Variants in KIF26B observed in about 807,000 individuals in gnomAD.
KIF26B encodes the protein kinesin family member 26B, also known as kinesin-like protein KIF26B.
A neutral mutation model predicts 151.2 loss-of-function variants in KIF26B; 63 were observed. The ratio of observed to expected loss-of-function variants is 0.42; its 90% CI spans 0.34 to 0.51. The LOEUF (loss-of-function observed/expected upper bound fraction) is 0.51, where lower values mean the gene tolerates loss of function less well. Among genes scored for constraint, KIF26B ranks in the 20% least tolerant of loss-of-function variants. KIF26B has a pLI of 0.07. For missense variants in KIF26B, 2,813 were observed against 2,913.6 expected (o/e 0.97, Z 0.79); for synonymous variants, 1,357 against 1,262.1 (o/e 1.08, Z -1.59).
chr1:245,427,862 A>G (rs1022792040), intron 4 of KIF26B, among the ~76,000 whole-genome samples: 3 of 152,146 alleles, frequency 2.0e-5, no homozygotes, highest in Non-Finnish European at 4.4e-5. Flanking sequence ...AAGCAGGGCT[A>G]CCATTGAGCT....
rs1158020568 is a variant in KIF26B at position 245,512,370 on chromosome 1, A to G, written c.1167-28397A>G. 6.6e-6 allele frequency among the ~76,000 whole-genome samples: 1 copy of G among 152,194 alleles called. No individual in the cohort carries two copies. The highest frequency in any genetic ancestry group is 1.5e-5 in the Non-Finnish European group (1 of 68,028). ...GATTTCCTTTTAACATACCCTGCCCAGCCTTGGACAGAGGGAGTACTGTGA... is the reference window on the plus strand; with the variant it reads ...GATTTCCTTTTAACATACCCTGCCCGGCCTTGGACAGAGGGAGTACTGTGA... On this transcript the variant is annotated intron_variant, in intron 4 of 14. Transcript: ENST00000407071. This position sits in a 1 kb window ranked among gnomAD's most constrained non-coding sequence, Gnocchi z 4.3.
chr1:245,350,517 T>C (rs574304394), intron 2 of KIF26B, among the ~76,000 whole-genome samples: 1 of 152,256 alleles, frequency 6.6e-6, no homozygotes, highest in African/African-American at 2.4e-5. Context: ...TGGGCTGCTG[T>C]CCCCTGAGCA....
At chr1:245,539,797 C>T (rs1009738649) in intron 4 of KIF26B, among the ~76,000 whole-genome samples, 26 of 152,106 alleles carry the variant, frequency 1.7e-4, no homozygotes, top group Admixed American at 1.6e-3. Context: ...GGATTACAGG[C>T]ATGCACCACC....
chr1:245,660,341 T>TGG (rs5782362), intron 10 of KIF26B, among the ~76,000 whole-genome samples: 6 of 32,056 alleles, frequency 1.9e-4, no homozygotes, highest in African/African-American at 5.0e-4. Context: ...TGCTATTTTT[T>TGG]GGGGGGGCGG....
At chr1:245,639,987 G>C (rs2043871252) in intron 9 of KIF26B, among the ~76,000 whole-genome samples, 1 of 150,958 alleles carries the variant, frequency 6.6e-6, no homozygotes, top group Non-Finnish European at 1.5e-5. Context: ...TTGGTCTAGA[G>C]TATAGTTTAA....
chr1:245,521,194 A>G lies in KIF26B; in HGVS notation c.1167-19573A>G, dbSNP rs568088448. Among the ~76,000 whole-genome samples the G allele has an allele frequency of 3.3e-4, 50 of 152,204 alleles. No individual in the cohort carries two copies. In the East Asian group the frequency reaches 5.6e-3, roughly 17 times the overall value. On this transcript the variant is annotated intron_variant, in intron 4 of 14. Transcript: ENST00000407071. ...TTACTAAAAATACAAAAAATTAGCC[A>G]GGTGTGGTGGCGAGCACCTGTAGTC...
At chr1:245,566,655 C>T (rs957667028) in intron 5 of KIF26B, among the ~76,000 whole-genome samples, 2 of 152,162 alleles carry the variant, frequency 1.3e-5, no homozygotes, top group Non-Finnish European at 2.9e-5. Context: ...CTGGGCTGGG[C>T]GTGGTGGCTC....
chr1:245,182,970 G>A (rs1668934985), intron 2 of KIF26B, among the ~76,000 whole-genome samples: 2 of 152,172 alleles, frequency 1.3e-5, no homozygotes, highest in Non-Finnish European at 2.9e-5. Context: ...TTCCCAAATG[G>A]CAGCACCATT....
intron 3 of KIF26B, among the ~76,000 whole-genome samples, chr1:245,418,888 C>G (rs943361169): frequency 6.6e-6 from 1 of 152,038 alleles, no homozygotes; most frequent in Non-Finnish European, 1.5e-5. Flanking sequence ...CAAAATGGAC[C>G]GAGCTCCATC....
intron 14 of KIF26B, among the ~76,000 whole-genome samples, chr1:245,701,938 T>TG (rs1156398740): frequency 6.6e-6 from 1 of 152,224 alleles, no homozygotes; most frequent in African/African-American, 2.4e-5. Flanking sequence ...CCCAGATACC[T>TG]GCTCTTCAGG....
chr1:245,342,548 GGTTTTT>G lies in KIF26B; in HGVS notation c.466-24267_466-24262del, dbSNP rs146945832. ...CTACCTTTCTTCTGAAGTCAATTCT[GGTTTTT>G]GTTTTTGTTTTTGTTTTTTCCCTAT... On this transcript the variant is annotated intron_variant, in intron 2 of 14. Transcript: ENST00000407071. 4.7e-5 allele frequency among the ~76,000 whole-genome samples: 7 copies of G among 147,884 alleles called. No homozygotes were observed. The East Asian group carries it at 1.1e-3, about 23-fold the overall frequency.
intron 3 of KIF26B, among the ~76,000 whole-genome samples, chr1:245,388,120 G>A (rs1572036922): frequency 6.6e-6 from 1 of 152,096 alleles, no homozygotes; most frequent in Admixed American, 6.6e-5. Context: ...TCGTGACAGA[G>A]GTGTTTTGGG....
intron 4 of KIF26B, among the ~76,000 whole-genome samples, chr1:245,463,564 G>A (rs1373871137): frequency 6.6e-6 from 1 of 152,166 alleles, no homozygotes; most frequent in Non-Finnish European, 1.5e-5. Flanking sequence ...GAAGTGCAGA[G>A]GTCAGCTCCG....
chr1:245,156,000 C>T (rs530073383), intron 1 of KIF26B, among the ~76,000 whole-genome samples: 3 of 152,118 alleles, frequency 2.0e-5, no homozygotes, highest in African/African-American at 7.2e-5. Flanking sequence ...GGATCCCCCC[C>T]GCCTTGCAGA....
At chr1:245,614,513 C>T (rs2043563805) in intron 9 of KIF26B, among the ~76,000 whole-genome samples, 1 of 152,218 alleles carries the variant, frequency 6.6e-6, no homozygotes, top group Non-Finnish European at 1.5e-5. Flanking sequence ...TTGGTTCCTA[C>T]CCTACCACCA....
chr1:245,229,297 G>C (rs368431318), intron 2 of KIF26B, among the ~76,000 whole-genome samples: 6 of 152,066 alleles, frequency 3.9e-5, no homozygotes, highest in African/African-American at 1.2e-4. Context: ...ATGTGTCTCT[G>C]ACAGGATATA....
intron 5 of KIF26B, among the ~76,000 whole-genome samples, chr1:245,562,114 C>T (rs748158236): frequency 7.0e-4 from 107 of 152,068 alleles, no homozygotes; most frequent in Non-Finnish European, 1.2e-3. Context: ...TTTGTCTCCG[C>T]GGTGGTGCTC....
intron 9 of KIF26B, among the ~76,000 whole-genome samples, chr1:245,629,055 C>T (rs112068833): frequency 7.9e-5 from 12 of 152,008 alleles, no homozygotes; most frequent in Non-Finnish European, 1.3e-4. Flanking sequence ...GCGAAGGACC[C>T]CTTCAAGGAG....
At chr1:245,494,209 G>A (rs974206031) in intron 4 of KIF26B, among the ~76,000 whole-genome samples, 1 of 152,186 alleles carries the variant, frequency 6.6e-6, no homozygotes, top group Non-Finnish European at 1.5e-5. Flanking sequence ...GGGAGACTGA[G>A]GCAGGAGAAT....
Sources: gnomAD v4.1 joint callset for allele counts (sites outside exome capture counted in the v4.1 genomes callset) on GRCh38, gnomAD v4.1.1 for gene constraint, Gnocchi (gnomAD v3.1) non-coding constraint, MANE v1.5 for transcripts, NCBI Gene and HGNC (gene_info 2026-07-23, HGNC 2026-07-21) for gene names.